The following TMEM63C variants were observed in gnomAD, a reference collection of about 807,000 sequenced individuals.
TMEM63C encodes osmosensitive cation channel TMEM63C.
Under a neutral mutation model 99.2 loss-of-function variants are expected in TMEM63C, and 32 were observed. The observed-to-expected ratio is 0.32, with a 90% CI of 0.24 to 0.43. The LOEUF (loss-of-function observed/expected upper bound fraction) is 0.43. TMEM63C is among the 20% of genes least tolerant of loss of function. The pLI, the probability that TMEM63C is intolerant of heterozygous loss-of-function variation, is 1.00. For missense variants in TMEM63C, 826 were observed against 1,053.0 expected (o/e 0.78, Z 2.98); for synonymous variants, 376 against 397.9 (o/e 0.94, Z 0.66).
intron 1 of TMEM63C, among the ~76,000 whole-genome samples, chr14:77,186,202 A>G (rs1242249392): frequency 9.9e-5 from 15 of 152,056 alleles, no homozygotes. Flanking sequence ...TGGTAGAGAC[A>G]GGGTTTCGCC....
At chr14:77,229,539 C>CTA (rs1427795963) in intron 6 of TMEM63C, among the ~76,000 whole-genome samples, 1 of 150,862 alleles carries the variant, frequency 6.6e-6, no homozygotes, top group Non-Finnish European at 1.5e-5. Flanking sequence ...CCTCAACCTC[C>CTA]CAGGCTCAAG....
At chr14:77,247,539 T>G (rs1225673772) in intron 18 of TMEM63C, among the ~76,000 whole-genome samples, 1 of 152,154 alleles carries the variant, frequency 6.6e-6, no homozygotes, top group African/African-American at 2.4e-5. Flanking sequence ...AAAGTTACAT[T>G]TTACTGTCTT....
At chr14:77,201,768 G>C (rs746936899) in intron 1 of TMEM63C, among the ~76,000 whole-genome samples, 1 of 152,246 alleles carries the variant, frequency 6.6e-6, no homozygotes. Context: ...CACCAAAGAG[G>C]AGAGGAAGTA....
intron 1 of TMEM63C, among the ~76,000 whole-genome samples, chr14:77,210,694 AG>A (rs1381277899): frequency 6.6e-6 from 1 of 152,096 alleles, no homozygotes; most frequent in Non-Finnish European, 1.5e-5. Context: ...AGAAGAAGGA[AG>A]AAGGGGAGGT....
intron 1 of TMEM63C, among the ~76,000 whole-genome samples, chr14:77,203,977 C>A (rs1888352593): frequency 6.6e-6 from 1 of 152,236 alleles, no homozygotes; most frequent in South Asian, 2.1e-4. Flanking sequence ...TCCTTCCTGC[C>A]CCCTCCAGAC....
chr14:77,243,135 G>A (rs964622482), intron 15 of TMEM63C, 79 bp downstream of exon 15: 2 of 1,531,592 alleles, frequency 1.3e-6, no homozygotes, highest in Non-Finnish European at 1.8e-6. Context: ...GATGGGGGGA[G>A]CCCCCTGGGA....
At position 77,231,692 on chromosome 14, in the gene TMEM63C, G is replaced by A; in HGVS notation, c.455G>A (p.Gly152Asp). Residue 152 changes from glycine to aspartate, a missense_variant, in exon 7 of 24, where the codon GGC becomes GAC. Physicochemically the swap from Gly to Asp is moderately conservative, Grantham distance 94. Transcript: ENST00000298351. ...CTCATCATCTGTATCCCCTCCCTGG[G>A]CATCATTTTGCCCATCAACTATACT... is the stretch of plus-strand genomic sequence containing the variant. ...FVLIICIPSL[G>D]IILPINYTGS... The A allele has an allele frequency of 6.4e-7, 1 of 1,551,664 alleles. No individual in the cohort carries two copies. Among genetic ancestry groups the A allele is most frequent in the Non-Finnish European group, 8.7e-7 (1 of 1,147,010 alleles).
At chr14:77,190,467 CAAA>C (rs1344530790) in intron 1 of TMEM63C, among the ~76,000 whole-genome samples, 3 of 151,844 alleles carry the variant, frequency 2.0e-5, no homozygotes, top group Non-Finnish European at 2.9e-5. Flanking sequence ...AAAGATAGCA[CAAA>C]AAGAGAAAAA....
At chr14:77,231,521 C>T in intron 6 of TMEM63C, 67 bp from the exon 7 acceptor site, 1 of 1,531,428 alleles carries the variant, frequency 6.5e-7, no homozygotes, top group Non-Finnish European at 8.8e-7. Context: ...CTTCCCTCTA[C>T]CTCCCCGCAA....
At position 77,251,903 on chromosome 14, in the gene TMEM63C, G is replaced by A. The variant is rs774164912; in HGVS notation, c.2148+5G>A. ...CGGATGGTTGCCGACTACGAGGTGA[G>A]TTGCCAGCCTGCCCCTCCTCCTGGT... On this transcript the variant is annotated splice_donor_5th_base_variant and intron_variant, in intron 22 of 23. Coordinates refer to ENST00000298351, the MANE Select transcript of TMEM63C (RefSeq NM_020431.4). The A allele has an allele frequency of 2.5e-6, 4 of 1,608,052 alleles. No individual in the cohort carries two copies. The highest frequency in any genetic ancestry group is 3.4e-6 in the Non-Finnish European group (4 of 1,174,552).
At chr14:77,253,202 C>T (rs1271144116) in intron 22 of TMEM63C, 103 bp from the exon 23 acceptor site, 2 of 1,020,042 alleles carry the variant, frequency 2.0e-6, no homozygotes, top group Non-Finnish European at 3.0e-6. Context: ...GAGTTGAGTT[C>T]CAAGGTGGTG....
At chr14:77,217,564 G>C (rs1888611088) in intron 2 of TMEM63C, among the ~76,000 whole-genome samples, 1 of 152,236 alleles carries the variant, frequency 6.6e-6, no homozygotes, top group African/African-American at 2.4e-5. Context: ...AGGGTTTCCA[G>C]GTAGAGGTGA....
At chr14:77,221,661 C>T (rs1274297362) in intron 5 of TMEM63C, among the ~76,000 whole-genome samples, 40 of 101,666 alleles carry the variant, frequency 3.9e-4, no homozygotes, top group Non-Finnish European at 4.9e-4. Context: ...CCCCTCCCAC[C>T]CACGCCTCCT....
Position 77,183,346 on chromosome 14 carries a change from G to A in TMEM63C, c.-77+1452G>A, listed in dbSNP as rs1887945206. Among the ~76,000 whole-genome samples, 3 of 152,218 alleles carry A rather than the reference G, an allele frequency of 2.0e-5. No individual in the cohort carries two copies. The South Asian group carries it at 6.2e-4, about 31-fold the overall frequency. On this transcript the variant is annotated intron_variant, in intron 1 of 23. Coordinates refer to ENST00000298351, the MANE Select transcript of TMEM63C (RefSeq NM_020431.4). ...GGGCCTCCTGATGGGTGTGGAGGAG[G>A]TCGGTGACAGGGAACAGCACCAGCA...
chr14:77,229,835 T>C (rs1888903291), intron 6 of TMEM63C, among the ~76,000 whole-genome samples: 1 of 152,088 alleles, frequency 6.6e-6, no homozygotes, highest in African/African-American at 2.4e-5. Context: ...CCAAAGTTTC[T>C]ATGAGCACTT....
At chr14:77,189,033 A>AATACAT (rs1490196275) in intron 1 of TMEM63C, among the ~76,000 whole-genome samples, 134 of 152,338 alleles carry the variant, frequency 8.8e-4, no homozygotes, top group African/African-American at 3.1e-3. Flanking sequence ...ATTAACATGA[A>AATACAT]TAAATTTCAA....
At position 77,218,829 on chromosome 14, in the gene TMEM63C, G is replaced by C; in HGVS notation, c.16G>C (p.Asp6His). 4 of 1,613,514 alleles carry C rather than the reference G, an allele frequency of 2.5e-6. No individual in the cohort carries two copies. Among genetic ancestry groups the C allele is most frequent in the Non-Finnish European group, 3.4e-6 (4 of 1,179,740 alleles). ...TCCTCCCAGGATGTCTGCCTCACCAGACGACCTGAGTACAGGGGGAAGGTT... is the reference window on the plus strand; with the variant it reads ...TCCTCCCAGGATGTCTGCCTCACCACACGACCTGAGTACAGGGGGAAGGTT... MSASP[D>H]DLSTGGRLQN... Residue 6 changes from aspartate (D) to histidine (H), a missense_variant, in exon 3 of 24, where the codon GAC becomes CAC. Asp to His is a moderately conservative substitution (Grantham distance 81). Transcript: ENST00000298351.
intron 1 of TMEM63C, among the ~76,000 whole-genome samples, chr14:77,204,140 G>A (rs139904067): frequency 1.1e-4 from 17 of 152,326 alleles, no homozygotes; most frequent in South Asian, 6.2e-4. Context: ...TTGTTACCAC[G>A]GAGACAAGAA....
At chr14:77,221,707 A>G (rs1241038758) in intron 5 of TMEM63C, among the ~76,000 whole-genome samples, 3 of 141,240 alleles carry the variant, frequency 2.1e-5, no homozygotes, top group Admixed American at 7.1e-5. Context: ...TCACGCCTCA[A>G]CCTCCTCAAA....
Sources: gnomAD v4.1 joint callset for allele counts (sites outside exome capture counted in the v4.1 genomes callset) on GRCh38, gnomAD v4.1.1 for gene constraint, MANE v1.5 for transcripts, NCBI Gene and HGNC (gene_info 2026-07-23, HGNC 2026-07-21) for gene names.